DNAH14: variants seen among roughly 807,000 people sequenced by gnomAD.
The protein encoded by DNAH14 is dynein axonemal heavy chain 14.
A neutral mutation model predicts 520.9 loss-of-function variants in DNAH14; 478 were observed. The ratio of observed to expected loss-of-function variants is 0.92; its 90% CI spans 0.85 to 0.99. DNAH14 has a LOEUF of 0.99. DNAH14 is among the 50% of genes least tolerant of loss of function. DNAH14 has a pLI of 0.00. For synonymous variants in DNAH14, 1,581 were observed against 1,757.2 expected, an observed-to-expected ratio of 0.90 and a Z score of 2.51; for missense variants, 4,831 against 5,234.5, an observed-to-expected ratio of 0.92 and a Z score of 2.38.
intron 9 of DNAH14, among the ~76,000 whole-genome samples, 178 bp downstream of exon 9, chr1:225,003,105 T>C (rs1187622000): frequency 6.6e-6 from 1 of 152,084 alleles, no homozygotes; most frequent in Admixed American, 6.6e-5. Flanking sequence ...TTTTAATAGT[T>C]AACATTTCTT....
chr1:225,062,905 C>A (rs149149086), intron 17 of DNAH14, among the ~76,000 whole-genome samples: 1 of 152,098 alleles, frequency 6.6e-6, no homozygotes, highest in East Asian at 1.9e-4. Context: ...CAGCAAAAAT[C>A]AGATACGTAA....
At chr1:225,388,257 C>A in intron 81 of DNAH14, 122 bp from the exon 82 acceptor site, 1 of 541,050 alleles carries the variant, frequency 1.8e-6, no homozygotes, top group Non-Finnish European at 3.3e-6. Flanking sequence ...TGGAAAAGGA[C>A]ATCCTCCTGC....
intron 2 of DNAH14, among the ~76,000 whole-genome samples, 163 bp from the exon 3 acceptor site, chr1:224,954,796 T>C (rs768614769): frequency 9.2e-5 from 14 of 152,172 alleles, no homozygotes; most frequent in Admixed American, 5.2e-4. Context: ...TCAGAATAAA[T>C]ATTTAATCTT....
At chr1:225,171,798 C>A (rs1333625803) in intron 36 of DNAH14, among the ~76,000 whole-genome samples, 1 of 152,160 alleles carries the variant, frequency 6.6e-6, no homozygotes, top group African/African-American at 2.4e-5. Context: ...GATACCAAAG[C>A]CTGGCAGACA....
At chr1:225,273,448 C>T (rs1310601198) in intron 52 of DNAH14, among the ~76,000 whole-genome samples, 1 of 152,130 alleles carries the variant, frequency 6.6e-6, no homozygotes, top group East Asian at 1.9e-4. Context: ...CAAAACAAAA[C>T]AAAACAAAAT....
At chr1:225,029,316 G>C (rs577120998) in intron 11 of DNAH14, among the ~76,000 whole-genome samples, 4 of 152,036 alleles carry the variant, frequency 2.6e-5, no homozygotes. Context: ...TGTTTTAGAT[G>C]ACAGAAATGT....
chr1:225,320,018 A>T (rs1174284721), intron 61 of DNAH14, among the ~76,000 whole-genome samples: 1 of 152,138 alleles, frequency 6.6e-6, no homozygotes, highest in Admixed American at 6.6e-5. Flanking sequence ...CCCCTCATGT[A>T]CCTCATGACT....
At chr1:225,082,457 A>C in intron 19 of DNAH14, 92 bp from the exon 20 acceptor site, 1 of 1,068,170 alleles carries the variant, frequency 9.4e-7, no homozygotes, top group South Asian at 2.3e-5. Context: ...TTTTTAACAA[A>C]TTTTAAAGAA....
At chr1:225,318,068 G>T (rs2094497416) in intron 60 of DNAH14, among the ~76,000 whole-genome samples, 1 of 152,240 alleles carries the variant, frequency 6.6e-6, no homozygotes, top group African/African-American at 2.4e-5. Flanking sequence ...AACACCTGAT[G>T]TGATAGGAAA....
Position 225,002,866 on chromosome 1 carries a change from CA to C in DNAH14, c.916del (p.Ile306LeufsTer19). ...LVYIRGLCED[A>X]INLKNYNDHE... ...TATATAAGAGGACTTTGTGAAGATGCAATTAATCTCAAAAATTATAATGACC... is the reference window on the plus strand; with the variant it reads ...TATATAAGAGGACTTTGTGAAGATGCATTAATCTCAAAAATTATAATGACC... On this transcript the variant is annotated frameshift_variant, in exon 9 of 86. Coordinates refer to ENST00000682510, the MANE Select transcript of DNAH14 (RefSeq NM_001367479.1). LOFTEE classifies it high-confidence loss of function. 1 of 1,549,242 alleles carries C rather than the reference CA, an allele frequency of 6.5e-7. No homozygotes were observed. The highest frequency in any genetic ancestry group is 1.2e-5 in the South Asian group (1 of 83,920).
chr1:225,018,640 A>G (rs2065407343), intron 10 of DNAH14, among the ~76,000 whole-genome samples: 1 of 152,188 alleles, frequency 6.6e-6, no homozygotes, highest in African/African-American at 2.4e-5. Flanking sequence ...AAAATCTTAA[A>G]GGGAGTTAGA....
At chr1:224,992,065 G>C (rs2063095346) in intron 8 of DNAH14, among the ~76,000 whole-genome samples, 1 of 151,950 alleles carries the variant, frequency 6.6e-6, no homozygotes, top group Admixed American at 6.6e-5. Context: ...GTTCATTTAT[G>C]GGTTCCCCTT....
At chr1:225,099,258 C>T (rs2075243126) in intron 22 of DNAH14, among the ~76,000 whole-genome samples, 2 of 152,138 alleles carry the variant, frequency 1.3e-5, no homozygotes, top group South Asian at 4.1e-4. Context: ...GAAATCTTGA[C>T]ATGTATTTCC....
chr1:224,998,344 C>G (rs1441093252), intron 8 of DNAH14, among the ~76,000 whole-genome samples: 4 of 151,810 alleles, frequency 2.6e-5, no homozygotes. Flanking sequence ...TCTTTGTTTT[C>G]TAAGTTCTTA....
intron 8 of DNAH14, among the ~76,000 whole-genome samples, chr1:224,987,963 G>A (rs112478113): frequency 3.3e-5 from 5 of 152,218 alleles, no homozygotes; most frequent in African/African-American, 1.2e-4. Flanking sequence ...ATAGGTAAAT[G>A]TGTGCCATGG....
intron 69 of DNAH14, among the ~76,000 whole-genome samples, chr1:225,341,854 G>T (rs1379346918): frequency 5.9e-5 from 9 of 152,110 alleles, no homozygotes; most frequent in Non-Finnish European, 1.2e-4. Context: ...ACAATGGACT[G>T]CCTTTCTATT....
rs1175770583 is a variant in DNAH14, at chr1:225,043,755, G to A, written c.1780G>A (p.Glu594Lys). The change falls in exon 14 of 86, where the codon GAG becomes AAG. Residue 594 changes from glutamate to lysine, a missense_variant. Coordinates refer to ENST00000682510, the MANE Select transcript of DNAH14 (RefSeq NM_001367479.1). Reference sequence around the variant, plus strand: ...ATGGATTCTAATAGACACAGAAATTGAGACTGAGTTTGAGAATAAATACAT... The same window carrying A: ...ATGGATTCTAATAGACACAGAAATTAAGACTGAGTTTGAGAATAAATACAT... ...LEDIISDTEI[E>K]TEFENKYMYY... The A allele has an allele frequency of 7.5e-6, 11 of 1,461,954 alleles. No homozygotes were observed. The highest frequency in any genetic ancestry group is 1.0e-5 in the Non-Finnish European group (11 of 1,070,976). 90.6% of individuals were successfully genotyped at this position (1,461,954 alleles called of 1,614,324 possible).
chr1:225,389,299 C>A (rs2095876341), intron 82 of DNAH14, among the ~76,000 whole-genome samples: 1 of 152,206 alleles, frequency 6.6e-6, no homozygotes, highest in African/African-American at 2.4e-5. Flanking sequence ...GGCTTCACAA[C>A]TAGAATATGG....
chr1:225,398,923 T>C (rs2096062194), intron 85 of DNAH14, 131 bp from the exon 86 acceptor site: 1 of 855,000 alleles, frequency 1.2e-6, no homozygotes, highest in Non-Finnish European at 1.8e-6. Context: ...CCACATGCTG[T>C]TACATTAACC....
Sources: allele counts gnomAD v4.1 joint callset (sites outside exome capture counted in the v4.1 genomes callset), GRCh38; gene constraint gnomAD v4.1.1; transcripts MANE v1.5; gene names NCBI Gene and HGNC (gene_info 2026-07-23, HGNC 2026-07-21).